The following SLC2A13 variants were observed in gnomAD, a reference collection of about 807,000 sequenced individuals.
SLC2A13 encodes proton myo-inositol cotransporter.
SLC2A13 carries 32 observed loss-of-function variants against 64.4 expected under a neutral mutation model. The observed-to-expected ratio is 0.50, with a 90% confidence interval of 0.37 to 0.67. The LOEUF (loss-of-function observed/expected upper bound fraction) is 0.67, where lower values mean the gene tolerates loss of function less well. SLC2A13 is among the 30% of genes least tolerant of loss of function. The pLI, the probability that SLC2A13 is intolerant of heterozygous loss-of-function variation, is 0.00. For synonymous variants in SLC2A13, 338 were observed against 327.1 expected, an observed-to-expected ratio of 1.03 and a Z score of -0.36; for missense variants, 743 against 829.2, an observed-to-expected ratio of 0.90 and a Z score of 1.28.
At chr12:39,862,436 T>C (rs2135921480) in intron 6 of SLC2A13, among the ~76,000 whole-genome samples, 1 of 152,350 alleles carries the variant, frequency 6.6e-6, no homozygotes, top group Non-Finnish European at 1.5e-5. Context: ...TCAATGGACA[T>C]AGGCACTTAA....
At chr12:39,897,026 C>T (rs970739010) in intron 4 of SLC2A13, among the ~76,000 whole-genome samples, 2 of 152,134 alleles carry the variant, frequency 1.3e-5, no homozygotes, top group Admixed American at 1.3e-4. Flanking sequence ...AAGAGACCAA[C>T]AAGTTCTAAC....
At position 39,874,132 on chromosome 12, in the gene SLC2A13, A is replaced by G. The variant is rs377434418; in HGVS notation, c.1035-2171T>C. Among the ~76,000 whole-genome samples the G allele has an allele frequency of 7.2e-5, 11 of 152,354 alleles. No homozygotes were observed. In the East Asian group the frequency reaches 1.7e-3, roughly 24 times the overall value. On this transcript the variant is annotated intron_variant, in intron 4 of 9. Coordinates refer to ENST00000280871, the MANE Select transcript of SLC2A13 (RefSeq NM_052885.4). ...ACAGAGCAAATAATTTATTTGCTGT[A>G]GAATATTTCTTGATTTTCCAGGGAA...
intron 3 of SLC2A13, among the ~76,000 whole-genome samples, chr12:40,008,078 T>A (rs1947456595): frequency 1.3e-5 from 2 of 152,184 alleles, no homozygotes; most frequent in Non-Finnish European, 2.9e-5. Flanking sequence ...CTAATCAGCA[T>A]CTCAAAACAT....
intron 1 of SLC2A13, among the ~76,000 whole-genome samples, chr12:40,078,800 C>T (rs1938280748): frequency 6.6e-6 from 1 of 152,092 alleles, no homozygotes; most frequent in African/African-American, 2.4e-5. Context: ...ATTACTGATT[C>T]AATTTCAGAA....
rs28370789 is a variant in SLC2A13 at position 40,028,190 on chromosome 12, T to G, written c.925+111A>C. On this transcript the variant is annotated intron_variant, in intron 3 of 9. Coordinates refer to ENST00000280871, the MANE Select transcript of SLC2A13 (RefSeq NM_052885.4). ...GTATAAATATAAATATCCATATTTA[T>G]ACATAAATACCCATATATTAAAAAT... 9.1e-3 allele frequency: 4,506 copies of G among 496,696 alleles called. 194 individuals are homozygous for G. The highest frequency in any genetic ancestry group is 0.08 in the African/African-American group (4,034 of 50,186). The allele number at this position is 496,696 out of a possible 1,614,324, so 30.8% of individuals were successfully genotyped here.
intron 6 of SLC2A13, among the ~76,000 whole-genome samples, chr12:39,848,141 C>A (rs547486766): frequency 1.3e-5 from 2 of 152,140 alleles, no homozygotes; most frequent in South Asian, 2.1e-4. Context: ...GACAAAGATA[C>A]CAAAACCAAT....
intron 7 of SLC2A13, among the ~76,000 whole-genome samples, chr12:39,768,795 G>T (rs560974897): frequency 3.9e-5 from 6 of 152,080 alleles, no homozygotes; most frequent in African/African-American, 1.2e-4. Flanking sequence ...ACCAAAATGT[G>T]ACATAAAGAC....
rs111544219 is a variant in SLC2A13 at position 40,030,363 on chromosome 12, T to A, written c.717-1854A>T. Among the ~76,000 whole-genome samples the A allele has an allele frequency of 5.3e-5, 8 of 152,330 alleles. 1 individual carries two copies. Among genetic ancestry groups the A allele is most frequent in the African/African-American group, 1.9e-4 (8 of 41,578 alleles). ...TTTAATCTGTTATTTAAATGTATGTTTTATTGCTGTAAATCAATAAAACTT... is the reference window on the plus strand; with the variant it reads ...TTTAATCTGTTATTTAAATGTATGTATTATTGCTGTAAATCAATAAAACTT... On this transcript the variant is annotated intron_variant, in intron 2 of 9. Transcript: ENST00000280871.
chr12:39,881,823 G>T (rs552900054), intron 4 of SLC2A13, among the ~76,000 whole-genome samples: 1 of 152,180 alleles, frequency 6.6e-6, no homozygotes, highest in African/African-American at 2.4e-5. Flanking sequence ...TCACTTAGTT[G>T]TCTGTCTACT....
Position 40,105,662 on chromosome 12 carries a change from G to T in SLC2A13, c.147C>A (p.Thr49=). 1 of 1,492,370 alleles carries T rather than the reference G, an allele frequency of 6.7e-7. No homozygotes were observed. 92.4% of individuals were successfully genotyped at this position (1,492,370 alleles called of 1,614,324 possible). A position where few individuals can be genotyped will look rare whatever the true frequency, so the allele number is the denominator to read the frequency against. Residue 49 remains threonine (T), a synonymous_variant, in exon 1 of 10, where the codon ACC becomes ACA. Transcript: ENST00000280871. This position sits in a 1 kb window ranked among gnomAD's most constrained non-coding sequence, Gnocchi z 4.2. ...CSLLAAAESS[T]SLQSAGAGGG... ...CGCCCGCGCCCGCGCTCTGCAGGCT[G>T]GTGCTCGATTCGGCGGCAGCCAGGA...
At chr12:39,845,682 T>C (rs1192225541) in intron 6 of SLC2A13, among the ~76,000 whole-genome samples, 1 of 152,146 alleles carries the variant, frequency 6.6e-6, no homozygotes, top group African/African-American at 2.4e-5. Flanking sequence ...GGCATCCCCC[T>C]AGATAGCATC....
chr12:40,100,847 C>T (rs1419849610), intron 1 of SLC2A13, among the ~76,000 whole-genome samples: 1 of 151,694 alleles, frequency 6.6e-6, no homozygotes, highest in East Asian at 1.9e-4. Context: ...CGCCTGTAAT[C>T]CCAGCTACTC....
chr12:40,104,631 TA>T (rs1368360886), intron 1 of SLC2A13, among the ~76,000 whole-genome samples: 3 of 152,140 alleles, frequency 2.0e-5, no homozygotes, highest in African/African-American at 7.2e-5. Flanking sequence ...GAATGGAATT[TA>T]CTTGGGAAAA....
At chr12:39,768,647 A>G (rs1940449172) in intron 7 of SLC2A13, among the ~76,000 whole-genome samples, 1 of 152,120 alleles carries the variant, frequency 6.6e-6, no homozygotes, top group Non-Finnish European at 1.5e-5. Flanking sequence ...CAGAACACAC[A>G]CAACATTTAT....
rs539103421 is a variant in SLC2A13 at position 40,105,056 on chromosome 12, C to A, written c.556+197G>T. On this transcript the variant is annotated intron_variant, in intron 1 of 9. Coordinates refer to ENST00000280871, the MANE Select transcript of SLC2A13 (RefSeq NM_052885.4). The surrounding 1 kb of genome is among the most constrained non-coding windows in gnomAD (Gnocchi z 4.2). The stretch of plus-strand genomic sequence containing the variant: ...GGAGACTAGAGTGACACCCCCTCCC[C>A]CCCGACCCTCCCACCTCCCGGGAGA... 5.7e-4 allele frequency among the ~76,000 whole-genome samples: 87 copies of A among 152,280 alleles called. No individual in the cohort carries two copies. The highest frequency in any genetic ancestry group is 2.0e-3 in the African/African-American group (84 of 41,562).
intron 4 of SLC2A13, among the ~76,000 whole-genome samples, chr12:39,916,694 T>C (rs1442432880): frequency 6.6e-6 from 1 of 152,136 alleles, no homozygotes; most frequent in African/African-American, 2.4e-5. Context: ...ATTAAAAACA[T>C]TTATCAAAAG....
intron 7 of SLC2A13, among the ~76,000 whole-genome samples, chr12:39,782,678 G>A (rs1941036449): frequency 6.6e-6 from 1 of 152,134 alleles, no homozygotes; most frequent in African/African-American, 2.4e-5. Flanking sequence ...AACAGACAAA[G>A]GTTGGAACAG....
At chr12:39,945,392 T>C (rs934748330) in intron 4 of SLC2A13, among the ~76,000 whole-genome samples, 14 of 152,182 alleles carry the variant, frequency 9.2e-5, no homozygotes, top group Non-Finnish European at 1.5e-4. Context: ...TGTATTTGGA[T>C]GTCTAGGTCT....
At chr12:39,859,897 A>G (rs1943712931) in intron 6 of SLC2A13, among the ~76,000 whole-genome samples, 1 of 152,204 alleles carries the variant, frequency 6.6e-6, no homozygotes, top group Non-Finnish European at 1.5e-5. Context: ...ATTTCTACTC[A>G]AGCAGAGTCT....
Sources: allele counts gnomAD v4.1 joint callset (sites outside exome capture counted in the v4.1 genomes callset), GRCh38; gene constraint gnomAD v4.1.1; non-coding constraint Gnocchi (gnomAD v3.1); transcripts MANE v1.5; gene names NCBI Gene and HGNC (gene_info 2026-07-23, HGNC 2026-07-21).